ANKIB1: variants seen among roughly 807,000 people sequenced by gnomAD.
ANKIB1 encodes the protein ankyrin repeat and IBR domain-containing protein 1.
Under a neutral mutation model 122.1 loss-of-function variants are expected in ANKIB1, and 43 were observed. The ratio of observed to expected loss-of-function variants is 0.35; its 90% CI spans 0.28 to 0.45. The LOEUF is 0.45. Ranked by LOEUF, ANKIB1 falls within the 20% of genes least tolerant of loss-of-function variation. ANKIB1 has a pLI of 1.00. For synonymous variants in ANKIB1, 390 were observed against 442.0 expected, an observed-to-expected ratio of 0.88 and a Z score of 1.48; for missense variants, 992 against 1,329.5, an observed-to-expected ratio of 0.75 and a Z score of 3.95.
In ANKIB1 at chr7:92,289,789, T is replaced by A. The variant is rs570760400; in HGVS notation, c.-90-5100T>A. Among the ~76,000 whole-genome samples, 36 of 152,334 alleles carry A rather than the reference T, an allele frequency of 2.4e-4. 1 individual carries two copies. The South Asian group carries it at 7.5e-3, about 32-fold the overall frequency. The stretch of plus-strand genomic sequence containing the variant: ...CCCACATGCTTTTTGTCCACTGACT[T>A]TTCTTTTTTCTGCTGCCTTGTTTTC... On this transcript the variant is annotated intron_variant, in intron 1 of 19. Coordinates refer to ENST00000265742, the MANE Select transcript of ANKIB1 (RefSeq NM_019004.2).
rs1804867732 is a variant in ANKIB1, at chr7:92,395,515, TTC to T, written c.2284-848_2284-847del. Reference sequence around the variant, plus strand: ...TTTACTGTTGTTCCTTTTTTTCTTTTTCTGTTACATATATCCCAGTCACTTTT... The same window carrying T: ...TTTACTGTTGTTCCTTTTTTTCTTTTTGTTACATATATCCCAGTCACTTTT... On this transcript the variant is annotated intron_variant, in intron 17 of 19. Coordinates refer to ENST00000265742, the MANE Select transcript of ANKIB1 (RefSeq NM_019004.2). 2.0e-5 allele frequency among the ~76,000 whole-genome samples: 3 copies of T among 151,894 alleles called. No individual in the cohort carries two copies. In the South Asian group the frequency reaches 6.2e-4, roughly 31 times the overall value.
At chr7:92,314,628 C>T (rs1802755719) in intron 3 of ANKIB1, among the ~76,000 whole-genome samples, 2 of 152,170 alleles carry the variant, frequency 1.3e-5, no homozygotes, top group South Asian at 4.1e-4. Context: ...ATTGGAATCA[C>T]CTGTAAAAAG....
chr7:92,281,037 C>A (rs573081474), intron 1 of ANKIB1, among the ~76,000 whole-genome samples: 2 of 152,046 alleles, frequency 1.3e-5, no homozygotes. Flanking sequence ...GAAAAGGATT[C>A]GAAGCAAAAT....
At position 92,390,081 on chromosome 7, in the gene ANKIB1, A is replaced by G; in HGVS notation, c.2017A>G (p.Lys673Glu). 5.7e-6 allele frequency: 9 copies of G among 1,591,122 alleles called. No homozygotes were observed. The highest frequency in any genetic ancestry group is 7.7e-6 in the Non-Finnish European group (9 of 1,172,890). ...SYPYGFFLEP[K>E]STKKEIFELM... is the part of the protein sequence containing the mutation. ...TCCATATGGATTTTTCTTGGAACCTAAAAGCACAAAGAAAGAAATTTTTGA... is the reference window on the plus strand; with the variant it reads ...TCCATATGGATTTTTCTTGGAACCTGAAAGCACAAAGAAAGAAATTTTTGA... The change falls in exon 15 of 20, where the codon AAA becomes GAA. Residue 673 changes from lysine to glutamate, a missense_variant. Lys to Glu is a moderately conservative substitution (Grantham distance 56). Coordinates refer to ENST00000265742, the MANE Select transcript of ANKIB1 (RefSeq NM_019004.2).
chr7:92,359,857 C>T (rs534806784), intron 9 of ANKIB1, among the ~76,000 whole-genome samples: 3 of 152,242 alleles, frequency 2.0e-5, no homozygotes, highest in Non-Finnish European at 2.9e-5. Context: ...TCCTGGGCTC[C>T]ATTGATTCTT....
chr7:92,257,221 AAAAG>A (rs1472930716), intron 1 of ANKIB1, among the ~76,000 whole-genome samples: 2 of 151,914 alleles, frequency 1.3e-5, no homozygotes, highest in African/African-American at 4.8e-5. Context: ...AAAAAGAAAA[AAAAG>A]AAAAGAAAAA....
intron 5 of ANKIB1, among the ~76,000 whole-genome samples, chr7:92,330,851 A>G (rs946083137): frequency 6.6e-6 from 1 of 152,194 alleles, no homozygotes; most frequent in Non-Finnish European, 1.5e-5. Flanking sequence ...CAAAACAAAA[A>G]CAAAAACAAA....
chr7:92,274,568 A>G (rs879780399), intron 1 of ANKIB1, among the ~76,000 whole-genome samples: 3 of 145,812 alleles, frequency 2.1e-5, no homozygotes, highest in Non-Finnish European at 3.0e-5. Context: ...GTGGTCATTT[A>G]AAAAAAAAAA....
intron 5 of ANKIB1, among the ~76,000 whole-genome samples, chr7:92,332,340 G>A (rs143420616): frequency 2.0e-5 from 3 of 152,318 alleles, no homozygotes; most frequent in Non-Finnish European, 2.9e-5. Context: ...CCATTAGGAA[G>A]ATTTATAGAT....
intron 1 of ANKIB1, among the ~76,000 whole-genome samples, chr7:92,293,369 G>A (rs1011169602): frequency 2.0e-5 from 3 of 152,148 alleles, no homozygotes; most frequent in African/African-American, 7.2e-5. Flanking sequence ...GTTGTTGTTT[G>A]TTTTGAGATG....
chr7:92,398,679 G>C lies in ANKIB1; in HGVS notation c.3000G>C (p.Gln1000His). ...CTACAGAAATCAGTGCAGATTCCCA[G>C]CTCCCCTGTATCAAAGATGGGTCAG... ...PATTEISADS[Q>H]LPCIKDGSEG... Residue 1000 changes from glutamine to histidine, a missense_variant, in exon 20 of 20, where the codon CAG becomes CAC. This residue lies in a region of ANKIB1 where 384 missense variants were observed against 412.0 expected (regional missense o/e 0.93). Coordinates refer to ENST00000265742, the MANE Select transcript of ANKIB1 (RefSeq NM_019004.2). The C allele has an allele frequency of 1.2e-6, 2 of 1,613,894 alleles. No individual in the cohort carries two copies. Among genetic ancestry groups the C allele is most frequent in the Admixed American group, 3.3e-5 (2 of 59,998 alleles).
At chr7:92,295,196 AGGG>A in intron 2 of ANKIB1, 30 bp downstream of exon 2, 1 of 1,428,988 alleles carries the variant, frequency 7.0e-7, no homozygotes, top group African/African-American at 1.4e-5. Flanking sequence ...AATTGGTATT[AGGG>A]TATTACCGTA....
chr7:92,390,200 T>A, intron 15 of ANKIB1, 84 bp downstream of exon 15: 1 of 1,042,308 alleles, frequency 9.6e-7, no homozygotes, highest in Non-Finnish European at 1.3e-6. Flanking sequence ...TTGTTTTATT[T>A]AATGTGGACA....
At chr7:92,312,161 G>C (rs140488131) in intron 3 of ANKIB1, among the ~76,000 whole-genome samples, 3 of 151,818 alleles carry the variant, frequency 2.0e-5, no homozygotes, top group African/African-American at 7.2e-5. Flanking sequence ...TTATTTCTGT[G>C]GCCACTTTCT....
intron 9 of ANKIB1, among the ~76,000 whole-genome samples, chr7:92,353,161 A>T (rs1803701174): frequency 1.3e-5 from 2 of 152,168 alleles, no homozygotes; most frequent in Admixed American, 1.3e-4. Flanking sequence ...AACAAGTAAG[A>T]TTTTGATTTA....
At chr7:92,334,137 C>T (rs2131965067) in intron 5 of ANKIB1, among the ~76,000 whole-genome samples, 1 of 152,088 alleles carries the variant, frequency 6.6e-6, no homozygotes. Context: ...TACTTTATTC[C>T]AAGGATAAAT....
chr7:92,345,850 T>C (rs1183731179), intron 7 of ANKIB1, among the ~76,000 whole-genome samples: 1 of 149,700 alleles, frequency 6.7e-6, no homozygotes, highest in Non-Finnish European at 1.5e-5. Flanking sequence ...AGCTAGAGAA[T>C]ACTATGTGGG....
At chr7:92,257,479 C>T (rs973790348) in intron 1 of ANKIB1, among the ~76,000 whole-genome samples, 6 of 152,032 alleles carry the variant, frequency 3.9e-5, no homozygotes, top group African/African-American at 1.2e-4. Context: ...CTTTTATTTC[C>T]GGAAAGCAAT....
At chr7:92,368,111 G>A (rs1403130254) in intron 10 of ANKIB1, among the ~76,000 whole-genome samples, 1 of 151,950 alleles carries the variant, frequency 6.6e-6, no homozygotes, top group African/African-American at 2.4e-5. Flanking sequence ...AGCTATGATT[G>A]CACCACTGCA....
Sources: allele counts gnomAD v4.1 joint callset (sites outside exome capture counted in the v4.1 genomes callset), GRCh38; gene constraint gnomAD v4.1.1; regional missense constraint gnomAD v4.1.1; transcripts MANE v1.5; gene names NCBI Gene and HGNC (gene_info 2026-07-23, HGNC 2026-07-21).